Variants in PAWR observed in about 807,000 individuals in gnomAD.
PAWR encodes the protein PRKC apoptosis WT1 regulator protein.
Under a neutral mutation model 32.0 loss-of-function variants are expected in PAWR, and 23 were observed. The ratio of observed to expected loss-of-function variants is 0.72; its 90% CI spans 0.52 to 1.02. The LOEUF (loss-of-function observed/expected upper bound fraction) is 1.02, where lower values mean the gene tolerates loss of function less well. Among genes scored for constraint, PAWR ranks in the 50% least tolerant of loss-of-function variants. The pLI is 0.00. For synonymous variants in PAWR, 226 were observed against 187.1 expected, an observed-to-expected ratio of 1.21 and a Z score of -1.70; for missense variants, 457 against 437.7, an observed-to-expected ratio of 1.04 and a Z score of -0.39.
At chr12:79,649,863 A>T (rs981753596) in intron 2 of PAWR, among the ~76,000 whole-genome samples, 1 of 152,188 alleles carries the variant, frequency 6.6e-6, no homozygotes, top group Non-Finnish European at 1.5e-5. Context: ...TTCATGAAAG[A>T]CAATTTTTTC....
intron 2 of PAWR, among the ~76,000 whole-genome samples, chr12:79,625,832 A>C (rs1303203554): frequency 1.3e-5 from 2 of 149,852 alleles, no homozygotes; most frequent in African/African-American, 2.5e-5. Flanking sequence ...AAAAAACAAA[A>C]CAAAAAAGTA....
intron 2 of PAWR, among the ~76,000 whole-genome samples, chr12:79,660,096 A>T (rs1167377960): frequency 6.6e-6 from 1 of 152,220 alleles, no homozygotes; most frequent in East Asian, 1.9e-4. Context: ...AAAAGCAGTG[A>T]GCAAACATAC....
At chr12:79,639,879 CCTATT>C (rs1300769542) in intron 2 of PAWR, among the ~76,000 whole-genome samples, 56 of 85,608 alleles carry the variant, frequency 6.5e-4, no homozygotes, top group African/African-American at 4.1e-3. Flanking sequence ...TATTCCTATT[CCTATT>C]CCATTCCATT....
At chr12:79,654,017 T>C (rs1387231084) in intron 2 of PAWR, among the ~76,000 whole-genome samples, 1 of 152,156 alleles carries the variant, frequency 6.6e-6, no homozygotes, top group Admixed American at 6.5e-5. Flanking sequence ...CTGAATGATA[T>C]AAAATCTTCC....
intron 2 of PAWR, among the ~76,000 whole-genome samples, chr12:79,682,182 C>T (rs1441262359): frequency 6.6e-6 from 1 of 152,138 alleles, no homozygotes; most frequent in Non-Finnish European, 1.5e-5. Flanking sequence ...GCCAGGGTCT[C>T]ACTTTGTCAC....
intron 2 of PAWR, among the ~76,000 whole-genome samples, chr12:79,664,125 C>T (rs2136830448): frequency 6.6e-6 from 1 of 152,246 alleles, no homozygotes; most frequent in South Asian, 2.1e-4. Flanking sequence ...GATTATTTAT[C>T]ACTATTCATA....
At chr12:79,610,930 G>A (rs1477096020) in intron 4 of PAWR, among the ~76,000 whole-genome samples, 1 of 151,266 alleles carries the variant, frequency 6.6e-6, no homozygotes, top group East Asian at 1.9e-4. Context: ...CCGGGAATAT[G>A]TAAGACACAT....
chr12:79,690,805 CAG>C (rs1024086173), intron 1 of PAWR, 65 bp downstream of exon 1: 2 of 152,312 alleles, frequency 1.3e-5, no homozygotes, highest in Non-Finnish European at 2.9e-5. Flanking sequence ...AGCCGGTTCG[CAG>C]AGGAGGCGGG....
chr12:79,662,201 C>CAAAAAAAAAAAAAAAAAAAAAAAAAA (rs57565065), intron 2 of PAWR, among the ~76,000 whole-genome samples: 2 of 45,712 alleles, frequency 4.4e-5, no homozygotes, highest in Non-Finnish European at 9.9e-5. Context: ...AGACATCTCT[C>CAAAAAAAAAAAAAAAAAAAAAAAAAA]AAAAAAAAAA....
chr12:79,637,809 TAAAAA>T (rs1223198176), intron 2 of PAWR, among the ~76,000 whole-genome samples: 1 of 151,530 alleles, frequency 6.6e-6, no homozygotes, highest in African/African-American at 2.4e-5. Context: ...ATTAACATCT[TAAAAA>T]AAAGAAAAAA....
At chr12:79,658,899 G>C (rs1233205516) in intron 2 of PAWR, among the ~76,000 whole-genome samples, 1 of 150,762 alleles carries the variant, frequency 6.6e-6, no homozygotes, top group East Asian at 1.9e-4. Flanking sequence ...GACTTCAAGT[G>C]ATCCACCCAC....
chr12:79,645,783 T>G (rs1276891579), intron 2 of PAWR, among the ~76,000 whole-genome samples: 1 of 152,202 alleles, frequency 6.6e-6, no homozygotes, highest in Non-Finnish European at 1.5e-5. Context: ...AGCTATTAGC[T>G]CCTAACTATA....
chr12:79,659,339 G>A (rs551812355), intron 2 of PAWR, among the ~76,000 whole-genome samples: 10 of 151,992 alleles, frequency 6.6e-5, no homozygotes, highest in Non-Finnish European at 1.5e-4. Context: ...AAATATCCCT[G>A]TAATGTATTT....
At chr12:79,626,163 T>TAAA (rs565157190) in intron 2 of PAWR, among the ~76,000 whole-genome samples, 4 of 82,098 alleles carry the variant, frequency 4.9e-5, no homozygotes, top group Non-Finnish European at 1.0e-4. Flanking sequence ...GACTCCATCT[T>TAAA]AAAAAAAAAA....
chr12:79,633,617 C>T lies in PAWR; in HGVS notation c.517-12410G>A, dbSNP rs1875821236. Reference sequence around the variant, plus strand: ...AACAAGCCTCTGCTGACCAAATGGCCCAGTTTCTACAACTTATAAATTGCA... The same window carrying T: ...AACAAGCCTCTGCTGACCAAATGGCTCAGTTTCTACAACTTATAAATTGCA... On this transcript the variant is annotated intron_variant, in intron 2 of 6. Transcript: ENST00000328827. Among the ~76,000 whole-genome samples the T allele has an allele frequency of 2.6e-5, 4 of 151,950 alleles. No individual in the cohort carries two copies. The South Asian group carries it at 8.3e-4, about 32-fold the overall frequency.
chr12:79,621,284 A>G, intron 2 of PAWR, 77 bp from the exon 3 acceptor site: 2 of 1,058,072 alleles, frequency 1.9e-6, no homozygotes, highest in Non-Finnish European at 2.7e-6. Context: ...ATATATTGAT[A>G]GTATTAAAGA....
At chr12:79,646,275 A>G (rs1208464075) in intron 2 of PAWR, among the ~76,000 whole-genome samples, 1 of 152,174 alleles carries the variant, frequency 6.6e-6, no homozygotes, top group Non-Finnish European at 1.5e-5. Context: ...AGTAGTACTA[A>G]GGACACTCCT....
chr12:79,626,299 G>A (rs557683332), intron 2 of PAWR, among the ~76,000 whole-genome samples: 8 of 146,444 alleles, frequency 5.5e-5, no homozygotes, highest in East Asian at 2.0e-4. Flanking sequence ...TTGCTGTGTC[G>A]CCCAGGCTGG....
At chr12:79,681,145 T>TGGGGAGGGGA (rs370518706) in intron 2 of PAWR, among the ~76,000 whole-genome samples, 1 of 5,550 alleles carries the variant, frequency 1.8e-4, no homozygotes, top group Non-Finnish European at 4.1e-4. Context: ...AGGGGAGGGG[T>TGGGGAGGGGA]GGGGAGGGGA....
Sources: allele counts gnomAD v4.1 joint callset (sites outside exome capture counted in the v4.1 genomes callset), GRCh38; gene constraint gnomAD v4.1.1; transcripts MANE v1.5; gene names NCBI Gene and HGNC (gene_info 2026-07-23, HGNC 2026-07-21).